ARFIP1: variants seen among roughly 807,000 people sequenced by gnomAD.
The protein encoded by ARFIP1 is arfaptin-1.
A neutral mutation model predicts 42.5 loss-of-function variants in ARFIP1; 24 were observed. That is an observed-to-expected ratio of 0.57 (90% CI 0.41 to 0.80). ARFIP1 has a LOEUF of 0.80. Among genes scored for constraint, ARFIP1 ranks in the 30% least tolerant of loss-of-function variants. The pLI is 0.00. For synonymous variants in ARFIP1, 141 were observed against 153.7 expected (o/e 0.92, Z 0.61); for missense variants, 354 against 434.0 (o/e 0.82, Z 1.64).
At chr4:152,807,748 G>A (rs1157472799) in intron 1 of ARFIP1, among the ~76,000 whole-genome samples, 1 of 151,584 alleles carries the variant, frequency 6.6e-6, no homozygotes, top group African/African-American at 2.4e-5. Context: ...TTGAAAAGAG[G>A]TTTTTAATTT....
intron 5 of ARFIP1, among the ~76,000 whole-genome samples, chr4:152,877,456 C>T (rs1000450721): frequency 6.6e-6 from 1 of 152,130 alleles, no homozygotes; most frequent in Non-Finnish European, 1.5e-5. Flanking sequence ...ACCTGTACCC[C>T]CATTGTATCT....
intron 1 of ARFIP1, among the ~76,000 whole-genome samples, chr4:152,802,880 G>A (rs1051895810): frequency 2.6e-5 from 4 of 152,170 alleles, no homozygotes; most frequent in Admixed American, 2.6e-4. Flanking sequence ...ATTGTCAAAT[G>A]TAAAGCTATT....
chr4:152,900,078 G>T (rs181776519), intron 8 of ARFIP1, among the ~76,000 whole-genome samples: 1 of 151,964 alleles, frequency 6.6e-6, no homozygotes, highest in East Asian at 1.9e-4. Flanking sequence ...GAAAACAGAA[G>T]CTATATTGAT....
At chr4:152,880,243 C>T (rs889121293) in intron 5 of ARFIP1, among the ~76,000 whole-genome samples, 39 of 151,454 alleles carry the variant, frequency 2.6e-4, no homozygotes, top group African/African-American at 7.5e-4. Context: ...CTTAGGAGGC[C>T]GAGACATGAG....
chr4:152,796,151 G>T (rs959827944), intron 1 of ARFIP1: 13 of 748,994 alleles, frequency 1.7e-5, no homozygotes, highest in Non-Finnish European at 3.2e-5. Flanking sequence ...TTGCCTCCCT[G>T]TGTCACAAGG....
At chr4:152,821,304 A>G (rs1348716391) in intron 1 of ARFIP1, among the ~76,000 whole-genome samples, 2 of 152,192 alleles carry the variant, frequency 1.3e-5, no homozygotes, top group Non-Finnish European at 1.5e-5. Flanking sequence ...AAAACCAACC[A>G]GAACTTCTGG....
chr4:152,909,824 G>C (rs73863304), intron 8 of ARFIP1, among the ~76,000 whole-genome samples: 2 of 152,126 alleles, frequency 1.3e-5, no homozygotes, highest in Non-Finnish European at 1.5e-5. Context: ...ATGGTTAATA[G>C]GGTATATATT....
chr4:152,812,780 C>T (rs1578851869), intron 1 of ARFIP1, among the ~76,000 whole-genome samples: 1 of 152,090 alleles, frequency 6.6e-6, no homozygotes, highest in Admixed American at 6.5e-5. Flanking sequence ...TCTAGTTGCC[C>T]AAGCCATAAA....
intron 1 of ARFIP1, among the ~76,000 whole-genome samples, chr4:152,791,386 A>G (rs1260330336): frequency 6.6e-6 from 1 of 152,170 alleles, no homozygotes; most frequent in African/African-American, 2.4e-5. Context: ...TCAACTCTGA[A>G]CATATAGTTT....
intron 1 of ARFIP1, among the ~76,000 whole-genome samples, chr4:152,804,194 T>TATAAGATGTATTATATATTATATATAAC (rs1561108255): frequency 1.2e-4 from 6 of 50,584 alleles, no homozygotes; most frequent in East Asian, 1.3e-3. Flanking sequence ...TTATATATAA[T>TATAAGATGTATTATATATTATATATAAC]ATAACATGTA....
At chr4:152,798,514 A>G (rs1731611977) in intron 1 of ARFIP1, among the ~76,000 whole-genome samples, 2 of 152,232 alleles carry the variant, frequency 1.3e-5, no homozygotes, top group African/African-American at 2.4e-5. Context: ...TACCTGCCTT[A>G]GATTTATGAA....
intron 8 of ARFIP1, among the ~76,000 whole-genome samples, chr4:152,903,343 A>G (rs898844077): frequency 2.6e-5 from 4 of 152,244 alleles, no homozygotes; most frequent in African/African-American, 9.6e-5. Flanking sequence ...CTTGTACTAC[A>G]TTACAGTAAC....
intron 1 of ARFIP1, among the ~76,000 whole-genome samples, chr4:152,801,252 C>T (rs1728398394): frequency 6.6e-6 from 1 of 152,114 alleles, no homozygotes; most frequent in Non-Finnish European, 1.5e-5. Context: ...GGTAGCCCTT[C>T]TGAGGAGTTG....
chr4:152,788,037 C>T (rs111971396), intron 1 of ARFIP1, among the ~76,000 whole-genome samples: 21,428 of 151,544 alleles, frequency 0.14, 1,901 homozygotes, highest in East Asian at 0.23. Flanking sequence ...ACCAGCCTGG[C>T]CAACATGGTG....
At chr4:152,854,476 T>C (rs1451559233) in intron 2 of ARFIP1, among the ~76,000 whole-genome samples, 1 of 152,206 alleles carries the variant, frequency 6.6e-6, no homozygotes, top group African/African-American at 2.4e-5. Flanking sequence ...AATTTCTTTT[T>C]GGTTGGGATC....
intron 2 of ARFIP1, among the ~76,000 whole-genome samples, chr4:152,837,162 C>T (rs1717845530): frequency 6.6e-6 from 1 of 152,086 alleles, no homozygotes; most frequent in African/African-American, 2.4e-5. Flanking sequence ...ACCACAGTTT[C>T]TTTATATACT....
intron 1 of ARFIP1, chr4:152,796,189 A>G: frequency 1.3e-6 from 1 of 770,228 alleles, no homozygotes; most frequent in Admixed American, 1.8e-5. Flanking sequence ...TACCTCAGTG[A>G]CAGTCTTTAG....
rs74501279 is a variant in ARFIP1 at position 152,873,073 on chromosome 4, T to G, written c.411+509T>G. On this transcript the variant is annotated intron_variant, in intron 5 of 8. Transcript: ENST00000353617. ...GAGTAATTGGTGATTATTTTTCTTA[T>G]GCCCTCCATAAAACAAATAAGCAAA... 3.3e-5 allele frequency among the ~76,000 whole-genome samples: 5 copies of G among 152,362 alleles called. No homozygotes were observed. The South Asian group carries it at 8.3e-4, about 25-fold the overall frequency.
In ARFIP1 at chr4:152,808,246, C is replaced by T. The variant is rs144798634; in HGVS notation, c.-9-21379C>T. 5.0e-3 allele frequency among the ~76,000 whole-genome samples: 652 copies of T among 130,350 alleles called. 4 individuals are homozygous for T. Among genetic ancestry groups the T allele is most frequent in the African/African-American group, 0.018 (612 of 33,960 alleles). The allele number at this position is 130,350 out of a possible 152,430, so 85.5% of individuals were successfully genotyped here. On this transcript the variant is annotated intron_variant, in intron 1 of 8. Coordinates refer to ENST00000353617, the MANE Select transcript of ARFIP1 (RefSeq NM_001025595.3). ...CTTCCCACCTTGGCCTCCCAAAGTG[C>T]TGGGATTACAGGTGTGAGCCACCAC...
Sources: gnomAD v4.1 joint callset for allele counts (sites outside exome capture counted in the v4.1 genomes callset) on GRCh38, gnomAD v4.1.1 for gene constraint, MANE v1.5 for transcripts, NCBI Gene and HGNC (gene_info 2026-07-23, HGNC 2026-07-21) for gene names.